PTPRA: variants seen among roughly 807,000 people sequenced by gnomAD.
The protein encoded by PTPRA is receptor-type tyrosine-protein phosphatase alpha.
A neutral mutation model predicts 104.8 loss-of-function variants in PTPRA; 25 were observed. That is an observed-to-expected ratio of 0.24 (90% CI 0.17 to 0.33). The LOEUF (loss-of-function observed/expected upper bound fraction) is 0.33, where lower values mean the gene tolerates loss of function less well. PTPRA is among the 10% of genes least tolerant of loss of function. The probability of loss-of-function intolerance (pLI) is 1.00; values close to 1 mark genes in which losing one functional copy is unlikely to be tolerated. For synonymous variants in PTPRA, 323 were observed against 368.9 expected, an observed-to-expected ratio of 0.88 and a Z score of 1.43; for missense variants, 765 against 1,015.3, an observed-to-expected ratio of 0.75 and a Z score of 3.35.
At chr20:2,996,245 C>T (rs975954221) in intron 9 of PTPRA, among the ~76,000 whole-genome samples, 7 of 152,288 alleles carry the variant, frequency 4.6e-5, no homozygotes, top group African/African-American at 9.6e-5. Flanking sequence ...CAGGTAGAGC[C>T]GACCTTGGTG....
At chr20:2,933,160 A>G (rs533492896) in intron 2 of PTPRA, among the ~76,000 whole-genome samples, 48 of 152,298 alleles carry the variant, frequency 3.2e-4, no homozygotes, top group Admixed American at 1.1e-3. Context: ...GAACATTTAA[A>G]TTTTGTCACT....
chr20:2,895,509 GTATTT>G (rs988511085), intron 1 of PTPRA, among the ~76,000 whole-genome samples: 4 of 152,022 alleles, frequency 2.6e-5, no homozygotes, highest in Non-Finnish European at 4.4e-5. Context: ...ATTGATAACT[GTATTT>G]TATTTTATTT....
rs535019516 is a variant in PTPRA at position 2,900,514 on chromosome 20, A to G, written c.-128-22693A>G. ...TGCTGTGGTTTAATTAAATAATGCC[A>G]GTCCTCAAATAGCAGTTAATGAAAT... On this transcript the variant is annotated intron_variant, in intron 1 of 23. Coordinates refer to ENST00000399903, the MANE Select transcript of PTPRA (RefSeq NM_001385305.1). Among the ~76,000 whole-genome samples, 11 of 152,308 alleles carry G rather than the reference A, an allele frequency of 7.2e-5. No individual in the cohort carries two copies. The East Asian group carries it at 1.7e-3, about 24-fold the overall frequency.
At chr20:3,015,542 A>G (rs935541732) in intron 11 of PTPRA, among the ~76,000 whole-genome samples, 6 of 152,002 alleles carry the variant, frequency 3.9e-5, no homozygotes, top group Admixed American at 1.3e-4. Context: ...TTGACCTTAG[A>G]TGATCCGCCC....
chr20:3,026,479 G>C (rs1347715935), intron 17 of PTPRA, among the ~76,000 whole-genome samples: 3 of 152,138 alleles, frequency 2.0e-5, no homozygotes, highest in African/African-American at 4.8e-5. Context: ...TCTCAAGAGA[G>C]TCCACAGGAG....
At chr20:2,966,802 T>G (rs2061963728) in intron 5 of PTPRA, among the ~76,000 whole-genome samples, 1 of 152,218 alleles carries the variant, frequency 6.6e-6, no homozygotes, top group Non-Finnish European at 1.5e-5. Context: ...CACCACTAGT[T>G]GTTTGTTTTG....
intron 1 of PTPRA, 33 bp from the exon 2 acceptor site, chr20:2,923,174 A>G (rs1394417600): frequency 4.1e-6 from 4 of 963,992 alleles, no homozygotes; most frequent in Non-Finnish European, 4.2e-6. Flanking sequence ...GGGATGTTGT[A>G]TATTTCTAAA....
chr20:2,876,535 T>C (rs1353917658), intron 1 of PTPRA, among the ~76,000 whole-genome samples: 1 of 152,260 alleles, frequency 6.6e-6, no homozygotes, highest in Non-Finnish European at 1.5e-5. Context: ...TATTTGTTCT[T>C]TCTGTTGACA....
intron 14 of PTPRA, 152 bp from the exon 15 acceptor site, chr20:3,021,902 A>T: frequency 2.1e-6 from 2 of 949,924 alleles, no homozygotes; most frequent in Non-Finnish European, 1.6e-6. Flanking sequence ...GCCACTGACT[A>T]GTTGTGAGAC....
At chr20:2,925,028 TA>T (rs1002163540) in intron 2 of PTPRA, among the ~76,000 whole-genome samples, 1 of 152,206 alleles carries the variant, frequency 6.6e-6, no homozygotes, top group African/African-American at 2.4e-5. Context: ...TTTCTCATGG[TA>T]AAATATATAT....
At chr20:2,960,029 A>G (rs191541690) in intron 3 of PTPRA, among the ~76,000 whole-genome samples, 4 of 152,234 alleles carry the variant, frequency 2.6e-5, no homozygotes, top group Non-Finnish European at 5.9e-5. Flanking sequence ...CTCATTATCC[A>G]CATCCTACAC....
chr20:3,035,151 T>G lies in PTPRA; in HGVS notation c.1921-434T>G, dbSNP rs2065734364. 1.3e-5 allele frequency among the ~76,000 whole-genome samples: 2 copies of G among 152,158 alleles called. No homozygotes were observed. The highest frequency in any genetic ancestry group is 6.6e-5 in the Admixed American group (1 of 15,262). On this transcript the variant is annotated intron_variant, in intron 20 of 23. Coordinates refer to ENST00000399903, the MANE Select transcript of PTPRA (RefSeq NM_001385305.1). This position sits in a 1 kb window ranked among gnomAD's most constrained non-coding sequence, Gnocchi z 5.8. ...AGATAAAGGTAAAAGGGAGAAAGGA[T>G]ACTGTGGCCTGGGCGGTGGTGAAGC... is the stretch of plus-strand genomic sequence containing the variant.
At chr20:2,898,290 C>T (rs1373668044) in intron 1 of PTPRA, among the ~76,000 whole-genome samples, 1 of 151,724 alleles carries the variant, frequency 6.6e-6, no homozygotes, top group Non-Finnish European at 1.5e-5. Context: ...CTGTGTTAGC[C>T]AGGATGGTCT....
At chr20:2,981,358 A>G (rs1884891) in intron 6 of PTPRA, among the ~76,000 whole-genome samples, 101,266 of 152,060 alleles carry the variant, frequency 0.67, 35,504 homozygotes, top group East Asian at 0.87. Flanking sequence ...GAATGGCGTG[A>G]GTATAGACCA....
At chr20:2,941,696 C>G (rs1266550029) in intron 2 of PTPRA, among the ~76,000 whole-genome samples, 1 of 152,186 alleles carries the variant, frequency 6.6e-6, no homozygotes, top group Non-Finnish European at 1.5e-5. Context: ...CTTCCTGGCA[C>G]CTGCTCCCCC....
chr20:3,032,034 CTTTCT>C (rs1158249577), intron 20 of PTPRA, among the ~76,000 whole-genome samples: 1 of 152,202 alleles, frequency 6.6e-6, no homozygotes, highest in Non-Finnish European at 1.5e-5. Flanking sequence ...TGCTATTGCT[CTTTCT>C]TTTCTTCCTG....
intron 10 of PTPRA, among the ~76,000 whole-genome samples, chr20:3,005,478 G>C (rs1294599132): frequency 6.6e-6 from 1 of 152,096 alleles, no homozygotes; most frequent in Admixed American, 6.5e-5. Flanking sequence ...TGAGCCCAGG[G>C]GGGCAGAGGT....
At chr20:2,978,662 C>T (rs1443183476) in intron 6 of PTPRA, among the ~76,000 whole-genome samples, 1 of 152,058 alleles carries the variant, frequency 6.6e-6, no homozygotes, top group Admixed American at 6.6e-5. Flanking sequence ...ATGCTTGCTC[C>T]CTGGCCTGAA....
intron 20 of PTPRA, among the ~76,000 whole-genome samples, chr20:3,034,183 A>G (rs1568711770): frequency 6.6e-6 from 1 of 152,126 alleles, no homozygotes; most frequent in Non-Finnish European, 1.5e-5. Flanking sequence ...GGGTGGGAGA[A>G]TCACTTGAAA....
Sources: allele counts gnomAD v4.1 joint callset (sites outside exome capture counted in the v4.1 genomes callset), GRCh38; gene constraint gnomAD v4.1.1; non-coding constraint Gnocchi (gnomAD v3.1); transcripts MANE v1.5; gene names NCBI Gene and HGNC (gene_info 2026-07-23, HGNC 2026-07-21).